Variants in SLC1A4 observed in about 807,000 individuals in gnomAD.
The protein encoded by SLC1A4 is solute carrier family 1 member 4, also known as neutral amino acid transporter A.
A neutral mutation model predicts 37.7 loss-of-function variants in SLC1A4; 19 were observed. The observed-to-expected ratio is 0.50, with a 90% CI of 0.35 to 0.74. The LOEUF is 0.74. Ranked by LOEUF, SLC1A4 falls within the 30% of genes least tolerant of loss-of-function variation. SLC1A4 has a pLI of 0.01. For synonymous variants in SLC1A4, 299 were observed against 309.8 expected (o/e 0.97, Z 0.37); for missense variants, 570 against 712.9 (o/e 0.80, Z 2.28).
chr2:65,006,029 G>A (rs1440464463), intron 3 of SLC1A4, among the ~76,000 whole-genome samples: 1 of 151,526 alleles, frequency 6.6e-6, no homozygotes, highest in Non-Finnish European at 1.5e-5. Context: ...GAAACCAAGA[G>A]TGATGAGTAA....
At position 65,000,661 on chromosome 2, in the gene SLC1A4, C is replaced by T. The variant is rs369333199; in HGVS notation, c.528-787C>T. ...AAAACAAAAACCACCCCATAATTTA[C>T]AAGGAGTTACACTTCTGGAAAATTC... is the stretch of plus-strand genomic sequence containing the variant. On this transcript the variant is annotated intron_variant, in intron 1 of 7. Transcript: ENST00000234256. 12 of 152,312 alleles carry T rather than the reference C, an allele frequency of 7.9e-5. No individual in the cohort carries two copies. In the South Asian group the frequency reaches 2.5e-3, roughly 32 times the overall value. The allele number at this position is 152,312 out of a possible 1,614,324, so 9.4% of individuals were successfully genotyped here.
Position 65,007,264 on chromosome 2 carries a change from GTGTGTT to G in SLC1A4, c.633+3255_633+3260del, listed in dbSNP as rs372621106. ...AAAGCAGGGCAAATAGATAGGAAGA[GTGTGTT>G]TGTGTGTGTGTGTGTGTGTCTGTGG... is the stretch of plus-strand genomic sequence containing the variant. On this transcript the variant is annotated intron_variant, in intron 3 of 7. Coordinates refer to ENST00000234256, the MANE Select transcript of SLC1A4 (RefSeq NM_003038.5). Among the ~76,000 whole-genome samples, 696 of 124,064 alleles carry G rather than the reference GTGTGTT, an allele frequency of 5.6e-3. 6 individuals are homozygous for G. Among genetic ancestry groups the G allele is most frequent in the South Asian group, 0.027 (113 of 4,138 alleles). 81.4% of individuals were successfully genotyped at this position (124,064 alleles called of 152,430 possible). A position where few individuals can be genotyped will look rare whatever the true frequency, so the allele number is the denominator to read the frequency against.
chr2:65,009,865 G>A (rs1274175745), intron 3 of SLC1A4, among the ~76,000 whole-genome samples: 1 of 152,122 alleles, frequency 6.6e-6, no homozygotes, highest in Non-Finnish European at 1.5e-5. Context: ...CACTGTAAGA[G>A]CCTCACAACA....
intron 3 of SLC1A4, among the ~76,000 whole-genome samples, chr2:65,006,019 G>A (rs1245328950): frequency 1.3e-5 from 2 of 151,944 alleles, no homozygotes; most frequent in African/African-American, 4.8e-5. Context: ...TAAATAGAAA[G>A]AAACCAAGAG....
Position 65,018,699 on chromosome 2 carries a change from A to G in SLC1A4, c.1364+20A>G, listed in dbSNP as rs1401497179. On this transcript the variant is annotated intron_variant, in intron 7 of 7. Transcript: ENST00000234256. The surrounding 1 kb of genome is among the most constrained non-coding windows in gnomAD (Gnocchi z 4.3). ...GATTGTGTAAGTAACAAGTCCTGAGAACACCAAAAAGAGTCTGCACTGAGT... is the reference window on the plus strand; with the variant it reads ...GATTGTGTAAGTAACAAGTCCTGAGGACACCAAAAAGAGTCTGCACTGAGT... 9.3e-6 allele frequency: 15 copies of G among 1,613,838 alleles called. No individual in the cohort carries two copies. Among genetic ancestry groups the G allele is most frequent in the Non-Finnish European group, 1.3e-5 (15 of 1,179,944 alleles).
intron 1 of SLC1A4, 163 bp from the exon 2 acceptor site, chr2:65,001,285 C>T (rs1294342313): frequency 3.1e-6 from 2 of 642,096 alleles, no homozygotes; most frequent in Admixed American, 5.2e-5. Flanking sequence ...GCCTGTAGTC[C>T]CAACACTTTG....
intron 1 of SLC1A4, among the ~76,000 whole-genome samples, chr2:64,990,424 G>A (rs1009680416): frequency 6.6e-6 from 1 of 152,126 alleles, no homozygotes; most frequent in Non-Finnish European, 1.5e-5. Context: ...AGTCCCCACC[G>A]TTAGGTGGGC....
intron 3 of SLC1A4, among the ~76,000 whole-genome samples, chr2:65,009,041 G>A (rs558741954): frequency 2.0e-5 from 3 of 152,090 alleles, no homozygotes; most frequent in Non-Finnish European, 4.4e-5. Context: ...GCCCTATACG[G>A]TGATCATTGT....
At chr2:65,019,240 C>A (rs1431842911) in intron 7 of SLC1A4, among the ~76,000 whole-genome samples, 1 of 152,142 alleles carries the variant, frequency 6.6e-6, no homozygotes, top group Admixed American at 6.5e-5. Flanking sequence ...TCACATGATA[C>A]CTTTTGCAGG....
At position 65,021,185 on chromosome 2, in the gene SLC1A4, C is replaced by A; in HGVS notation, c.*39C>A. 5 of 1,526,400 alleles carry A rather than the reference C, an allele frequency of 3.3e-6. No individual in the cohort carries two copies. Among genetic ancestry groups the A allele is most frequent in the Non-Finnish European group, 4.5e-6 (5 of 1,104,778 alleles). 94.6% of individuals were successfully genotyped at this position (1,526,400 alleles called of 1,614,324 possible). On this transcript the variant is annotated 3_prime_UTR_variant, in exon 8 of 8. Transcript: ENST00000234256. Reference sequence around the variant, plus strand: ...TGGGCTTGCCTGCCAGCAGTGATGTCCCACCCTGTTCACCCAGCCGCCAGT... The same window carrying A: ...TGGGCTTGCCTGCCAGCAGTGATGTACCACCCTGTTCACCCAGCCGCCAGT...
Position 65,021,523 on chromosome 2 carries a change from G to T in SLC1A4, c.*377G>T, listed in dbSNP as rs1351031617. 1.4e-5 allele frequency: 3 copies of T among 211,750 alleles called. No homozygotes were observed. Among genetic ancestry groups the T allele is most frequent in the Non-Finnish European group, 2.8e-5 (3 of 105,616 alleles). The allele number at this position is 211,750 out of a possible 1,614,324, so 13.1% of individuals were successfully genotyped here. A position where few individuals can be genotyped will look rare whatever the true frequency, so the allele number is the denominator to read the frequency against. On this transcript the variant is annotated 3_prime_UTR_variant, in exon 8 of 8. Transcript: ENST00000234256. ...CTCTCCCCGGTCAGCTCTGCATCAG[G>T]TGTTTTCTGAGCAAACCAAGGGGGT...
chr2:65,009,537 T>C (rs1013235029), intron 3 of SLC1A4, among the ~76,000 whole-genome samples: 5 of 152,222 alleles, frequency 3.3e-5, no homozygotes, highest in Middle Eastern at 3.2e-3. Context: ...TCCAGTTAAT[T>C]TGGAAATTAG....
At chr2:64,991,534 C>T (rs1393442912) in intron 1 of SLC1A4, among the ~76,000 whole-genome samples, 4 of 151,620 alleles carry the variant, frequency 2.6e-5, no homozygotes, top group African/African-American at 4.8e-5. Flanking sequence ...CTTCAGCGAT[C>T]CTCCTGCCTC....
chr2:65,021,194 T>C lies in SLC1A4; in HGVS notation c.*48T>C. The C allele has an allele frequency of 6.8e-7, 1 of 1,480,968 alleles. No individual in the cohort carries two copies. Among genetic ancestry groups the C allele is most frequent in the Non-Finnish European group, 9.4e-7 (1 of 1,066,962 alleles). The allele number at this position is 1,480,968 out of a possible 1,614,324, so 91.7% of individuals were successfully genotyped here. A position where few individuals can be genotyped will look rare whatever the true frequency, so the allele number is the denominator to read the frequency against. ...CTGCCAGCAGTGATGTCCCACCCTGTTCACCCAGCCGCCAGTCATGGACAC... is the reference window on the plus strand; with the variant it reads ...CTGCCAGCAGTGATGTCCCACCCTGCTCACCCAGCCGCCAGTCATGGACAC... On this transcript the variant is annotated 3_prime_UTR_variant, in exon 8 of 8. Coordinates refer to ENST00000234256, the MANE Select transcript of SLC1A4 (RefSeq NM_003038.5).
intron 1 of SLC1A4, among the ~76,000 whole-genome samples, 171 bp downstream of exon 1, chr2:64,990,341 G>T (rs1319766105): frequency 1.3e-5 from 2 of 152,192 alleles, no homozygotes; most frequent in African/African-American, 4.8e-5. Flanking sequence ...TTTGCGTGCT[G>T]ACCACACCTT....
chr2:65,011,214 G>A (rs1386485200), intron 4 of SLC1A4: 2 of 153,888 alleles, frequency 1.3e-5, no homozygotes, highest in African/African-American at 2.4e-5. Context: ...TAGAGGACAA[G>A]GACAAGTCCA....
chr2:65,001,585 T>TTACCTCCCTGTTAAA lies in SLC1A4; in HGVS notation c.570+95_570+96insTACCTCCCTGTTAAA. ...TTAGGTAAGGTAGAACAGGGAGAGA[T>TTACCTCCCTGTTAAA]GGTGGTGTTAACAAAACTTGGTAAG... On this transcript the variant is annotated intron_variant, in intron 2 of 7. Transcript: ENST00000234256. 5.2e-6 allele frequency: 6 copies of TTACCTCCCTGTTAAA among 1,157,304 alleles called. No homozygotes were observed. In the Admixed American group the frequency reaches 1.2e-4, roughly 24 times the overall value. 71.7% of individuals were successfully genotyped at this position (1,157,304 alleles called of 1,614,324 possible).
chr2:65,017,766 T>C (rs1195718972), intron 5 of SLC1A4, among the ~76,000 whole-genome samples: 1 of 152,208 alleles, frequency 6.6e-6, no homozygotes, highest in Non-Finnish European at 1.5e-5. Flanking sequence ...TAGTTGTTTG[T>C]TCTCTCGGGA....
chr2:65,002,641 G>C (rs374732702), intron 2 of SLC1A4, among the ~76,000 whole-genome samples: 3 of 139,726 alleles, frequency 2.1e-5, no homozygotes, highest in African/African-American at 8.1e-5. Context: ...GCAGTGGCGC[G>C]ATCTTGGCTC....
Sources: allele counts gnomAD v4.1 joint callset (sites outside exome capture counted in the v4.1 genomes callset), GRCh38; gene constraint gnomAD v4.1.1; non-coding constraint Gnocchi (gnomAD v3.1); transcripts MANE v1.5; gene names NCBI Gene and HGNC (gene_info 2026-07-23, HGNC 2026-07-21).